TNS1: variants seen among roughly 807,000 people sequenced by gnomAD.
TNS1 encodes tensin 1.
TNS1 carries 62 observed loss-of-function variants against 168.6 expected under a neutral mutation model. The observed-to-expected ratio is 0.37, with a 90% confidence interval of 0.30 to 0.45. The LOEUF (loss-of-function observed/expected upper bound fraction) is 0.45. Ranked by LOEUF, TNS1 falls within the 20% of genes least tolerant of loss-of-function variation. The probability of loss-of-function intolerance (pLI) is 1.00; values close to 1 mark genes in which losing one functional copy is unlikely to be tolerated. For missense variants in TNS1, 2,240 were observed against 2,339.4 expected, an observed-to-expected ratio of 0.96 and a Z score of 0.88; for synonymous variants, 934 against 933.2, an observed-to-expected ratio of 1.00 and a Z score of -0.02.
intron 1 of TNS1, among the ~76,000 whole-genome samples, chr2:218,023,382 G>A (rs2106011087): frequency 6.6e-6 from 1 of 152,178 alleles, no homozygotes; most frequent in East Asian, 1.9e-4. Flanking sequence ...CCCCCTTCAG[G>A]GCTGCTGTGA....
rs758046312 is a variant in TNS1 at position 217,893,537 on chromosome 2, G to A, written c.619C>T (p.Leu207Phe). Reference protein sequence around the residue: ...AKVLEFGWPDLHTPALEKICS... With the variant: ...AKVLEFGWPDFHTPALEKICS... ...ATCTTCTCCAGGGCTGGGGTGTGGA[G>A]GTCGGGCCAGCCAAATTCCAGTACC... The change falls in exon 10 of 33, where the codon CTC becomes TTC. Residue 207 changes from leucine (L) to phenylalanine (F), a missense_variant. By Grantham distance (22) the Leu-to-Phe change is conservative. Around this residue, in one of 2 missense-constraint regions of TNS1, gnomAD observed 2,131 missense variants for 2,171.2 expected, o/e 0.98. Transcript: ENST00000682258. The A allele has an allele frequency of 2.5e-6, 4 of 1,612,210 alleles. No homozygotes were observed. In the South Asian group the frequency reaches 4.4e-5, roughly 18 times the overall value.
intron 4 of TNS1, among the ~76,000 whole-genome samples, chr2:217,911,170 G>C (rs1026396621): frequency 2.6e-5 from 4 of 152,228 alleles, no homozygotes; most frequent in African/African-American, 7.2e-5. Flanking sequence ...CAAAGTGAGA[G>C]CAGCTGACTC....
chr2:217,876,890 G>A (rs1051149847), intron 18 of TNS1, among the ~76,000 whole-genome samples: 1 of 152,176 alleles, frequency 6.6e-6, no homozygotes, highest in Non-Finnish European at 1.5e-5. Flanking sequence ...CCAGAACTAT[G>A]AGAAAATTCA....
At chr2:217,891,066 T>G in intron 11 of TNS1, 21 bp from the exon 12 acceptor site, 1 of 1,613,586 alleles carries the variant, frequency 6.2e-7, no homozygotes, top group Non-Finnish European at 8.5e-7. Context: ...AGACAGGTGG[T>G]CAAAAGAGGC....
chr2:218,006,163 A>C (rs1958655436), upstream of TNS1, among the ~76,000 whole-genome samples: 1 of 152,218 alleles, frequency 6.6e-6, no homozygotes, highest in Non-Finnish European at 1.5e-5. Context: ...AGCTGAAGAA[A>C]CAGAGTCAGG....
At chr2:218,011,736 G>A (rs1461962825), upstream of TNS1, among the ~76,000 whole-genome samples, 2 of 152,152 alleles carry the variant, frequency 1.3e-5, no homozygotes, top group East Asian at 3.9e-4. Context: ...CCCCATTGCA[G>A]CTCCCCACCT....
At chr2:217,945,633 G>C (rs1297399767) in intron 3 of TNS1, among the ~76,000 whole-genome samples, 8 of 152,208 alleles carry the variant, frequency 5.3e-5, no homozygotes, top group Non-Finnish European at 8.8e-5. Flanking sequence ...CAATCTGTGA[G>C]AGTGTGGATG....
At chr2:217,885,561 C>T (rs1186087679) in intron 15 of TNS1, among the ~76,000 whole-genome samples, 183 bp downstream of exon 15, 1 of 152,184 alleles carries the variant, frequency 6.6e-6, no homozygotes, top group Non-Finnish European at 1.5e-5. Context: ...ACAGCTAAGC[C>T]CAGGGTGAGA....
chr2:217,805,543 C>CATA (rs1559132361), intron 32 of TNS1, among the ~76,000 whole-genome samples: 2 of 1,148 alleles, frequency 1.7e-3, no homozygotes, highest in African/African-American at 6.6e-3. Flanking sequence ...ACCACACACA[C>CATA]CACCACACAC....
chr2:217,958,350 C>T (rs1297829007), intron 3 of TNS1, among the ~76,000 whole-genome samples: 1 of 152,184 alleles, frequency 6.6e-6, no homozygotes, highest in Non-Finnish European at 1.5e-5. Context: ...AGCTGACATG[C>T]AGTCCCACAC....
At position 217,802,514 on chromosome 2, in the gene TNS1, G is replaced by A. The variant is rs1937614659; in HGVS notation, c.*1945C>T. ...TCAGGGACAGCTCCCCACACATCCTGGGAGCTGACTGCTGGGCCCCTGGCT... is the reference window on the plus strand; with the variant it reads ...TCAGGGACAGCTCCCCACACATCCTAGGAGCTGACTGCTGGGCCCCTGGCT... On this transcript the variant is annotated 3_prime_UTR_variant, in exon 33 of 33. Coordinates refer to ENST00000682258, the MANE Select transcript of TNS1 (RefSeq NM_001387777.1). 6.6e-6 allele frequency: 1 copy of A among 152,280 alleles called. No homozygotes were observed. Among genetic ancestry groups the A allele is most frequent in the Non-Finnish European group, 1.5e-5 (1 of 68,120 alleles). 9.4% of individuals were successfully genotyped at this position (152,280 alleles called of 1,614,324 possible). A position where few individuals can be genotyped will look rare whatever the true frequency, so the allele number is the denominator to read the frequency against.
chr2:217,904,370 C>T (rs1025146601), intron 6 of TNS1, among the ~76,000 whole-genome samples: 3 of 152,200 alleles, frequency 2.0e-5, no homozygotes, highest in African/African-American at 7.2e-5. Context: ...GGCCCAGGTC[C>T]TCCTCCCCCG....
Position 217,831,509 on chromosome 2 carries a change from C to A in TNS1, c.3319G>T (p.Ala1107Ser). ...PPGLAKTPLS[A>S]LGLKPHNPAD... ...GGGTTGTGAGGTTTCAGGCCCAGAGCAGACAGGGGTGTCTTGGCCAGACCC... is the reference window on the plus strand; with the variant it reads ...GGGTTGTGAGGTTTCAGGCCCAGAGAAGACAGGGGTGTCTTGGCCAGACCC... The change falls in exon 22 of 33, where the codon GCT becomes TCT. Residue 1107 changes from alanine to serine, a missense_variant. Around this residue, in one of 2 missense-constraint regions of TNS1, gnomAD observed 2,131 missense variants for 2,171.2 expected, o/e 0.98. Coordinates refer to ENST00000682258, the MANE Select transcript of TNS1 (RefSeq NM_001387777.1). 6.4e-7 allele frequency: 1 copy of A among 1,569,722 alleles called. No individual in the cohort carries two copies. Among genetic ancestry groups the A allele is most frequent in the Non-Finnish European group, 8.6e-7 (1 of 1,160,828 alleles).
rs566432684 is a variant in TNS1, at chr2:217,858,384, G to C, written c.1430-9297C>G. 4 of 360,806 alleles carry C rather than the reference G, an allele frequency of 1.1e-5. No individual in the cohort carries two copies. The East Asian group carries it at 6.7e-4, about 60-fold the overall frequency. 22.4% of individuals were successfully genotyped at this position (360,806 alleles called of 1,614,324 possible). The stretch of plus-strand genomic sequence containing the variant: ...CCAAGGTGGGGTCGTGACAGAGCCT[G>C]CCCCTCCACACCCTCCCAGCACAGA... On this transcript the variant is annotated intron_variant, in intron 18 of 32. Transcript: ENST00000682258.
chr2:217,955,859 T>G (rs377041086), intron 3 of TNS1, among the ~76,000 whole-genome samples: 178 of 152,246 alleles, frequency 1.2e-3, no homozygotes, highest in Middle Eastern at 3.4e-3. Context: ...AATGTCCCTC[T>G]CAGGGAAAAA....
chr2:217,967,709 T>C (rs755845836), intron 3 of TNS1, among the ~76,000 whole-genome samples: 10 of 152,276 alleles, frequency 6.6e-5, no homozygotes, highest in Non-Finnish European at 1.3e-4. Context: ...TCCCGATGGC[T>C]TCACAGGTTT....
At position 217,880,794 on chromosome 2, in the gene TNS1, C is replaced by T; in HGVS notation, c.1429+104G>A. ...GTACCTCACACTTCCCCTCTGCCTC[C>T]TCTCGAACCCAGATCTCTTGAAAGC... On this transcript the variant is annotated intron_variant, in intron 18 of 32. Coordinates refer to ENST00000682258, the MANE Select transcript of TNS1 (RefSeq NM_001387777.1). This position sits in a 1 kb window ranked among gnomAD's most constrained non-coding sequence, Gnocchi z 4.2. The T allele has an allele frequency of 1.2e-6, 1 of 864,156 alleles. No homozygotes were observed. 53.5% of individuals were successfully genotyped at this position (864,156 alleles called of 1,614,324 possible).
chr2:218,010,179 C>T lies in TNS1; in HGVS notation c.17G>A (p.Trp6Ter), dbSNP rs1309713498. The T allele has an allele frequency of 7.5e-6, 3 of 398,966 alleles. No individual in the cohort carries two copies. Among genetic ancestry groups the T allele is most frequent in the African/African-American group, 2.1e-5 (1 of 48,618 alleles). The allele number at this position is 398,966 out of a possible 1,614,324, so 24.7% of individuals were successfully genotyped here. Residue 6 changes from tryptophan (W) to a stop codon, truncating the protein, a stop_gained, in exon 1 of 33, where the codon TGG becomes TAG. Coordinates refer to the TNS1 transcript ENST00000646520. LOFTEE classifies it high-confidence loss of function. ...CCATCGGATCACGCAGGAGAAGCAC[C>T]AACTCAGCCGAGTCATGCTGACCCC...
chr2:217,856,199 G>A (rs555050432), intron 18 of TNS1, among the ~76,000 whole-genome samples: 1 of 152,330 alleles, frequency 6.6e-6, no homozygotes, highest in South Asian at 2.1e-4. Context: ...ACACTGAGTG[G>A]AAGCTTTGCG....
Sources: allele counts gnomAD v4.1 joint callset (sites outside exome capture counted in the v4.1 genomes callset), GRCh38; gene constraint gnomAD v4.1.1; regional missense constraint gnomAD v4.1.1; non-coding constraint Gnocchi (gnomAD v3.1); transcripts MANE v1.5; gene names NCBI Gene and HGNC (gene_info 2026-07-23, HGNC 2026-07-21).